Variants in LRRIQ1 observed in about 807,000 individuals in gnomAD.
The protein encoded by LRRIQ1 is leucine-rich repeat- and IQ domain-containing protein 1.
A neutral mutation model predicts 211.9 loss-of-function variants in LRRIQ1; 210 were observed. The observed-to-expected ratio is 0.99, with a 90% CI of 0.89 to 1.11. The LOEUF (loss-of-function observed/expected upper bound fraction) is 1.11. LRRIQ1 is among the 50% of genes most tolerant of loss of function. The pLI is 0.00. For synonymous variants in LRRIQ1, 699 were observed against 650.1 expected (o/e 1.08, Z -1.14); for missense variants, 2,136 against 1,939.5 (o/e 1.10, Z -1.90).
At chr12:85,116,003 G>T (rs1887543405) in intron 15 of LRRIQ1, among the ~76,000 whole-genome samples, 1 of 152,132 alleles carries the variant, frequency 6.6e-6, no homozygotes, top group Non-Finnish European at 1.5e-5. Flanking sequence ...AGAGTTCCAG[G>T]AATACTGTTC....
At chr12:85,174,067 A>G (rs1891561665) in intron 24 of LRRIQ1, among the ~76,000 whole-genome samples, 1 of 152,152 alleles carries the variant, frequency 6.6e-6, no homozygotes, top group African/African-American at 2.4e-5. Context: ...CGATCATTAA[A>G]CAAACTAAAG....
chr12:85,145,188 T>C (rs995738116), intron 19 of LRRIQ1, among the ~76,000 whole-genome samples: 1 of 151,570 alleles, frequency 6.6e-6, no homozygotes, highest in Non-Finnish European at 1.5e-5. Context: ...GATAGGTAAA[T>C]AGACAGAAAA....
intron 14 of LRRIQ1, among the ~76,000 whole-genome samples, chr12:85,105,971 T>C (rs537472105): frequency 6.6e-6 from 1 of 151,980 alleles, no homozygotes; most frequent in East Asian, 1.9e-4. Flanking sequence ...TAATTTTGTA[T>C]TTTTAGTAGA....
chr12:85,175,026 C>G (rs916091575), intron 24 of LRRIQ1, among the ~76,000 whole-genome samples: 9 of 152,020 alleles, frequency 5.9e-5, no homozygotes, highest in African/African-American at 1.7e-4. Flanking sequence ...TCCTAGAAAA[C>G]AATAGAACAG....
chr12:85,139,723 G>A (rs187572249), intron 19 of LRRIQ1, among the ~76,000 whole-genome samples: 6 of 151,426 alleles, frequency 4.0e-5, no homozygotes, highest in Admixed American at 2.6e-4. Flanking sequence ...TATTGCTCAC[G>A]TCTGAATTAT....
intron 24 of LRRIQ1, among the ~76,000 whole-genome samples, chr12:85,199,130 TTAAG>T (rs1421931543): frequency 2.6e-5 from 4 of 152,302 alleles, no homozygotes; most frequent in South Asian, 4.1e-4. Context: ...GCCCCATTTA[TTAAG>T]TATTTGTTTT....
intron 24 of LRRIQ1, among the ~76,000 whole-genome samples, chr12:85,223,790 C>T (rs566781642): frequency 6.6e-6 from 1 of 151,596 alleles, no homozygotes; most frequent in African/African-American, 2.4e-5. Context: ...AAAAAGGAAA[C>T]TAGAATCCAG....
chr12:85,155,415 C>A (rs572884973), intron 23 of LRRIQ1, among the ~76,000 whole-genome samples: 6 of 151,530 alleles, frequency 4.0e-5, no homozygotes, highest in African/African-American at 1.4e-4. Flanking sequence ...AGACTCTTAA[C>A]GATAGTGAGA....
chr12:85,260,870 T>G (rs924916382), intron 1 of LRRIQ1, among the ~76,000 whole-genome samples: 16 of 152,206 alleles, frequency 1.1e-4, no homozygotes, highest in Admixed American at 5.9e-4. Flanking sequence ...TTAAGACACT[T>G]TCTTAATGCA....
At chr12:85,051,211 A>G (rs1409182844) in intron 6 of LRRIQ1, among the ~76,000 whole-genome samples, 1 of 151,760 alleles carries the variant, frequency 6.6e-6, no homozygotes, top group Non-Finnish European at 1.5e-5. Context: ...CTCTCTTGCC[A>G]TGTGACTCAC....
At chr12:85,091,492 T>C (rs1014137930) in intron 11 of LRRIQ1, among the ~76,000 whole-genome samples, 21 of 152,286 alleles carry the variant, frequency 1.4e-4, no homozygotes, top group African/African-American at 4.3e-4. Context: ...CAGAAGCTCT[T>C]TAGTTTAATT....
At chr12:85,122,895 T>G (rs1389570763) in intron 16 of LRRIQ1, among the ~76,000 whole-genome samples, 1 of 152,060 alleles carries the variant, frequency 6.6e-6, no homozygotes, top group East Asian at 1.9e-4. Context: ...CACATTCCCT[T>G]GAAGTCCAAA....
At chr12:85,204,374 C>CCA (rs757809679) in intron 24 of LRRIQ1, among the ~76,000 whole-genome samples, 4 of 152,164 alleles carry the variant, frequency 2.6e-5, no homozygotes, top group Non-Finnish European at 5.9e-5. Context: ...TACTGGGGCA[C>CCA]CACCTAGTAT....
intron 24 of LRRIQ1, among the ~76,000 whole-genome samples, chr12:85,201,338 A>AT (rs1893282411): frequency 6.7e-6 from 1 of 150,166 alleles, no homozygotes; most frequent in African/African-American, 2.5e-5. Context: ...TTCCTCATCA[A>AT]TTTTTTTCAA....
chr12:85,213,437 A>G lies in LRRIQ1; in HGVS notation c.4823-16080A>G, dbSNP rs1003535893. The stretch of plus-strand genomic sequence containing the variant: ...CACGTCTATATAGCATGTGACATCT[A>G]TACTCAAAAAATCAGTAAGGGACAG... On this transcript the variant is annotated intron_variant, in intron 24 of 26. Coordinates refer to ENST00000393217, the MANE Select transcript of LRRIQ1 (RefSeq NM_001079910.2). 3.9e-5 allele frequency among the ~76,000 whole-genome samples: 6 copies of G among 152,042 alleles called. No homozygotes were observed. In the South Asian group the frequency reaches 1.2e-3, roughly 31 times the overall value.
At chr12:85,094,419 G>A (rs1020295113) in intron 11 of LRRIQ1, among the ~76,000 whole-genome samples, 1 of 152,004 alleles carries the variant, frequency 6.6e-6, no homozygotes, top group African/African-American at 2.4e-5. Flanking sequence ...CCATGAAACC[G>A]GTCACTGGTG....
At position 85,167,517 on chromosome 12, in the gene LRRIQ1, AT is replaced by A. The variant is rs1399487778; in HGVS notation, c.4822+6804del. Among the ~76,000 whole-genome samples the A allele has an allele frequency of 2.0e-5, 3 of 152,156 alleles. No individual in the cohort carries two copies. The East Asian group carries it at 5.8e-4, about 29-fold the overall frequency. ...CAAAAGCTGAAGAACTTGGAGTCCA[AT>A]GTTCTAGGGCAGGAAGCATTCAGCA... On this transcript the variant is annotated intron_variant, in intron 24 of 26. Coordinates refer to ENST00000393217, the MANE Select transcript of LRRIQ1 (RefSeq NM_001079910.2).
intron 24 of LRRIQ1, among the ~76,000 whole-genome samples, chr12:85,190,472 ATTATAT>A (rs934981589): frequency 2.0e-5 from 3 of 147,864 alleles, no homozygotes; most frequent in Non-Finnish European, 4.5e-5. Context: ...ATATTATGTA[ATTATAT>A]TTATATTATA....
chr12:85,260,619 A>G (rs1164868963), intron 1 of LRRIQ1, among the ~76,000 whole-genome samples: 2 of 152,002 alleles, frequency 1.3e-5, no homozygotes, highest in African/African-American at 4.8e-5. Flanking sequence ...TTCTCCCTCT[A>G]CCTCCACCGG....
Sources: gnomAD v4.1 joint callset for allele counts (sites outside exome capture counted in the v4.1 genomes callset) on GRCh38, gnomAD v4.1.1 for gene constraint, MANE v1.5 for transcripts, NCBI Gene and HGNC (gene_info 2026-07-23, HGNC 2026-07-21) for gene names.